The following EIF3I variants were observed in gnomAD, a reference collection of about 807,000 sequenced individuals.
The protein encoded by EIF3I is TGF-beta receptor-interacting protein 1.
Under a neutral mutation model 43.3 loss-of-function variants are expected in EIF3I, and 20 were observed. The ratio of observed to expected loss-of-function variants is 0.46; its 90% CI spans 0.32 to 0.67. The LOEUF is 0.67. Among genes scored for constraint, EIF3I ranks in the 30% least tolerant of loss-of-function variants. The pLI, the probability that EIF3I is intolerant of heterozygous loss-of-function variation, is 0.03. For synonymous variants in EIF3I, 167 were observed against 151.7 expected (o/e 1.10, Z -0.74); for missense variants, 279 against 421.4 (o/e 0.66, Z 2.96).
chr1:32,223,948 T>C (rs562229297), intron 2 of EIF3I, 86 bp from the exon 3 acceptor site: 8 of 1,200,050 alleles, frequency 6.7e-6, no homozygotes, highest in Admixed American at 1.7e-5. Flanking sequence ...TCAGCCTTGC[T>C]ACAGGCTGCT....
chr1:32,227,153 CT>C (rs1214989673), intron 6 of EIF3I, among the ~76,000 whole-genome samples: 15 of 151,320 alleles, frequency 9.9e-5, no homozygotes, highest in Non-Finnish European at 2.2e-4. Context: ...TGGCTCACAT[CT>C]GTAATCCCAG....
chr1:32,222,607 C>T, exon 2 of EIF3I: 2 of 1,614,132 alleles, frequency 1.2e-6, no homozygotes, highest in African/African-American at 1.3e-5. Context: ...AGGAGACCTC[C>T]TCTTTACTGT....
At chr1:32,227,406 T>A (rs1336912968) in intron 6 of EIF3I, among the ~76,000 whole-genome samples, 5 of 152,084 alleles carry the variant, frequency 3.3e-5, no homozygotes, top group Non-Finnish European at 2.9e-5. Flanking sequence ...TGACCCTGTT[T>A]ATCTGTAAAA....
At chr1:32,225,964 TGAGAGCC>T (rs1032830157) in intron 4 of EIF3I, among the ~76,000 whole-genome samples, 200 bp from the exon 5 acceptor site, 2 of 150,476 alleles carry the variant, frequency 1.3e-5, no homozygotes, top group African/African-American at 4.9e-5. Context: ...GAGCTTGCAG[TGAGAGCC>T]GAGATTGCAC....
chr1:32,226,066 G>T, intron 4 of EIF3I, 105 bp from the exon 5 acceptor site: 1 of 1,402,422 alleles, frequency 7.1e-7, no homozygotes. Context: ...TTTAAGTTTG[G>T]GTCACTGGAG....
In EIF3I at chr1:32,226,154, A is replaced by C; in HGVS notation, c.251-17A>C. The C allele has an allele frequency of 6.2e-7, 1 of 1,613,616 alleles. No individual in the cohort carries two copies. The highest frequency in any genetic ancestry group is 8.5e-7 in the Non-Finnish European group (1 of 1,179,652). On this transcript the variant is annotated splice_polypyrimidine_tract_variant and intron_variant, in intron 4 of 11. Coordinates refer to ENST00000676679, the Ensembl canonical transcript of EIF3I. The stretch of plus-strand genomic sequence containing the variant: ...AATTGCAATGGATGGTGTAGCCCAG[A>C]CTTTGCCTGACTCCAGGAAAGCAGC...
rs764518867 is a variant in EIF3I at position 32,230,240 on chromosome 1, TTTA to T, written c.804-14_804-12del. ...TCACTTCTTATCTCAATTTTTCTGC[TTTA>T]TTATTATTATTTTTTGAGACAGGGT... On this transcript the variant is annotated intron_variant, in intron 9 of 11. Coordinates refer to ENST00000676679, the Ensembl canonical transcript of EIF3I. 4.7e-4 allele frequency among the ~76,000 whole-genome samples: 70 copies of T among 150,524 alleles called. 1 individual carries two copies. The highest frequency in any genetic ancestry group is 4.3e-3 in the Admixed American group (65 of 15,102).
At chr1:32,228,214 C>T (rs1325652192) in intron 6 of EIF3I, among the ~76,000 whole-genome samples, 2 of 152,174 alleles carry the variant, frequency 1.3e-5, no homozygotes, top group African/African-American at 4.8e-5. Flanking sequence ...TTTTGACTTT[C>T]CTCCAGGCAG....
chr1:32,227,745 A>G (rs1291554855), intron 6 of EIF3I, among the ~76,000 whole-genome samples: 2 of 152,226 alleles, frequency 1.3e-5, no homozygotes, highest in Admixed American at 1.3e-4. Context: ...ACTGTACTCC[A>G]GCCTGGGTGA....
intron 4 of EIF3I, among the ~76,000 whole-genome samples, chr1:32,224,918 C>A (rs544471813): frequency 6.6e-6 from 1 of 152,198 alleles, no homozygotes; most frequent in African/African-American, 2.4e-5. Flanking sequence ...ACTGCAACCT[C>A]CGCCTCCCAG....
intron 9 of EIF3I, among the ~76,000 whole-genome samples, chr1:32,229,708 G>A (rs563762180): frequency 1.5e-4 from 23 of 151,918 alleles, no homozygotes; most frequent in Admixed American, 1.1e-3. Flanking sequence ...CCATGACCAC[G>A]CCTGGCTAAT....
downstream of EIF3I, among the ~76,000 whole-genome samples, chr1:32,232,717 C>A (rs1639256319): frequency 6.6e-6 from 1 of 151,948 alleles, no homozygotes; most frequent in African/African-American, 2.4e-5. Flanking sequence ...AAGGGAGGAC[C>A]AAACTCAGAC....
chr1:32,229,488 T>TA (rs1286220649), intron 9 of EIF3I, among the ~76,000 whole-genome samples: 2 of 151,684 alleles, frequency 1.3e-5, no homozygotes, highest in African/African-American at 4.8e-5. Context: ...GACCTCGTGA[T>TA]ACGCCCGCCT....
chr1:32,225,838 G>A (rs1342451208), intron 4 of EIF3I, among the ~76,000 whole-genome samples: 23 of 151,782 alleles, frequency 1.5e-4, no homozygotes, highest in South Asian at 4.2e-4. Context: ...TGGCTAACAC[G>A]GTGAAATCCC....
intron 6 of EIF3I, among the ~76,000 whole-genome samples, chr1:32,226,892 G>A (rs1230503638): frequency 3.6e-5 from 5 of 140,764 alleles, no homozygotes; most frequent in East Asian, 4.2e-4. Context: ...GAGTGCAGTG[G>A]TACGATCTCG....
chr1:32,224,178 CTGAGTTG>C (rs1341295289), intron 3 of EIF3I, 57 bp downstream of exon 3: 2 of 1,577,190 alleles, frequency 1.3e-6, no homozygotes, highest in East Asian at 2.2e-5. Context: ...GATGGAGAGG[CTGAGTTG>C]GGAGTTGGGA....
At chr1:32,222,599 G>A in exon 2 of EIF3I, 2 of 1,614,160 alleles carry the variant, frequency 1.2e-6, no homozygotes, top group Non-Finnish European at 1.7e-6. Context: ...AACCGCGAAG[G>A]AGACCTCCTC....
chr1:32,224,312 A>C, intron 3 of EIF3I, 98 bp from the exon 4 acceptor site: 1 of 1,200,294 alleles, frequency 8.3e-7, no homozygotes, highest in Non-Finnish European at 1.2e-6. Flanking sequence ...AGAGGGGTAG[A>C]AAGGCTCTTT....
chr1:32,222,961 C>G (rs1639053152), intron 2 of EIF3I, among the ~76,000 whole-genome samples: 1 of 152,170 alleles, frequency 6.6e-6, no homozygotes, highest in African/African-American at 2.4e-5. Context: ...GACATGGTGG[C>G]CTCGCGCCTG....
Sources: gnomAD v4.1 joint callset for allele counts (sites outside exome capture counted in the v4.1 genomes callset) on GRCh38, gnomAD v4.1.1 for gene constraint, MANE v1.5 for transcripts, NCBI Gene and HGNC (gene_info 2026-07-23, HGNC 2026-07-21) for gene names.